Variants in UBE2E2 observed in about 807,000 individuals in gnomAD.
UBE2E2 encodes the protein ubiquitin conjugating enzyme E2 E2, also known as ubiquitin-conjugating enzyme E2 E2.
In UBE2E2, 6 loss-of-function variants were observed where a neutral mutation model predicts 24.7. The observed-to-expected ratio is 0.24, with a 90% CI of 0.13 to 0.48. UBE2E2 has a LOEUF of 0.48. Among genes scored for constraint, UBE2E2 ranks in the 20% least tolerant of loss-of-function variants. UBE2E2 has a pLI of 0.99. For synonymous variants in UBE2E2, 104 were observed against 83.6 expected, an observed-to-expected ratio of 1.24 and a Z score of -1.33; for missense variants, 169 against 245.0, an observed-to-expected ratio of 0.69 and a Z score of 2.07.
chr3:23,422,977 T>G (rs1268381328), intron 3 of UBE2E2, among the ~76,000 whole-genome samples: 2 of 152,206 alleles, frequency 1.3e-5, no homozygotes, highest in Non-Finnish European at 2.9e-5. Flanking sequence ...CTTCCCATAC[T>G]AGGAAAGTCA....
At chr3:23,421,243 CATA>C in intron 3 of UBE2E2, among the ~76,000 whole-genome samples, 1 of 152,310 alleles carries the variant, frequency 6.6e-6, no homozygotes, top group Middle Eastern at 3.4e-3. Context: ...TTAAACTCTA[CATA>C]ATTAGGTGAT....
chr3:23,318,156 A>T (rs1426455311), intron 3 of UBE2E2, among the ~76,000 whole-genome samples: 1 of 151,970 alleles, frequency 6.6e-6, no homozygotes, highest in Non-Finnish European at 1.5e-5. Flanking sequence ...ACAGGGTTTT[A>T]AAAAAATTTT....
intron 5 of UBE2E2, among the ~76,000 whole-genome samples, chr3:23,546,669 C>G (rs185651520): frequency 4.0e-4 from 60 of 151,582 alleles, no homozygotes; most frequent in African/African-American, 1.5e-3. Flanking sequence ...GGTGGGGTTT[C>G]TCCATGTTGG....
chr3:23,451,086 G>T (rs1185793009), intron 3 of UBE2E2, among the ~76,000 whole-genome samples: 1 of 152,156 alleles, frequency 6.6e-6, no homozygotes, highest in Non-Finnish European at 1.5e-5. Context: ...CTGTAAATCT[G>T]CAACTATTGT....
intron 5 of UBE2E2, among the ~76,000 whole-genome samples, chr3:23,579,718 A>C (rs1225890938): frequency 6.6e-6 from 1 of 152,162 alleles, no homozygotes; most frequent in African/African-American, 2.4e-5. Flanking sequence ...AAAAGAAAAA[A>C]GAATACTATT....
intron 5 of UBE2E2, among the ~76,000 whole-genome samples, chr3:23,580,254 A>T (rs2125518157): frequency 6.6e-6 from 1 of 152,354 alleles, no homozygotes; most frequent in East Asian, 1.9e-4. Context: ...GCAACATCAC[A>T]TGCACAGAGA....
chr3:23,558,211 A>G (rs1395866098), intron 5 of UBE2E2, among the ~76,000 whole-genome samples: 1 of 152,180 alleles, frequency 6.6e-6, no homozygotes, highest in Non-Finnish European at 1.5e-5. Flanking sequence ...ACTAGTCTCA[A>G]ACTTAACATA....
chr3:23,334,014 CAGAA>C (rs1390199446), intron 3 of UBE2E2, among the ~76,000 whole-genome samples: 1 of 152,068 alleles, frequency 6.6e-6, no homozygotes, highest in African/African-American at 2.4e-5. Flanking sequence ...TTTGTCCTCA[CAGAA>C]AGATCAACAT....
chr3:23,302,854 G>A (rs9819788), intron 3 of UBE2E2, among the ~76,000 whole-genome samples: 6,357 of 152,218 alleles, frequency 0.042, 459 homozygotes, highest in African/African-American at 0.14. Context: ...ATAGACTGCT[G>A]ATCCCTGTTC....
chr3:23,259,582 A>AT (rs1408396805), intron 3 of UBE2E2, among the ~76,000 whole-genome samples: 2 of 151,784 alleles, frequency 1.3e-5, no homozygotes, highest in Non-Finnish European at 2.9e-5. Context: ...TTAAAAAAAA[A>AT]AAAGTCTTGA....
At chr3:23,391,275 AT>A (rs1439728577) in intron 3 of UBE2E2, among the ~76,000 whole-genome samples, 2 of 152,226 alleles carry the variant, frequency 1.3e-5, no homozygotes, top group Admixed American at 1.3e-4. Flanking sequence ...TGCCAGTTAT[AT>A]TAACTGCTAC....
intron 3 of UBE2E2, among the ~76,000 whole-genome samples, chr3:23,303,137 G>A (rs751619373): frequency 1.4e-3 from 217 of 152,020 alleles, no homozygotes; most frequent in Non-Finnish European, 2.0e-3. Flanking sequence ...GCATGTGAGG[G>A]ATCTAGGTTG....
intron 5 of UBE2E2, among the ~76,000 whole-genome samples, chr3:23,571,893 C>T (rs1696240822): frequency 6.6e-6 from 1 of 152,146 alleles, no homozygotes; most frequent in Non-Finnish European, 1.5e-5. Flanking sequence ...ACTACACTCC[C>T]AAGGTAGTAG....
intron 5 of UBE2E2, among the ~76,000 whole-genome samples, chr3:23,560,536 C>T (rs79272893): frequency 0.29 from 43,573 of 151,156 alleles, 6,736 homozygotes; most frequent in East Asian, 0.5. Flanking sequence ...TACGTGTGCA[C>T]GTGTCTTTAT....
intron 3 of UBE2E2, among the ~76,000 whole-genome samples, chr3:23,350,652 T>C (rs1695718761): frequency 6.6e-6 from 1 of 151,854 alleles, no homozygotes; most frequent in Non-Finnish European, 1.5e-5. Context: ...GAAGACGAAA[T>C]GAATGAAATG....
At chr3:23,464,629 T>G (rs1418083268) in intron 3 of UBE2E2, among the ~76,000 whole-genome samples, 1 of 152,188 alleles carries the variant, frequency 6.6e-6, no homozygotes, top group Non-Finnish European at 1.5e-5. Context: ...CAAAATTTAA[T>G]TATGTAGTAC....
At chr3:23,349,411 G>A (rs1293191056) in intron 3 of UBE2E2, among the ~76,000 whole-genome samples, 3 of 152,188 alleles carry the variant, frequency 2.0e-5, no homozygotes, top group South Asian at 2.1e-4. Context: ...CACTGTGCGC[G>A]ACCCGAAGCA....
At chr3:23,319,641 C>T (rs892907693) in intron 3 of UBE2E2, among the ~76,000 whole-genome samples, 9 of 151,252 alleles carry the variant, frequency 6.0e-5, no homozygotes, top group African/African-American at 1.9e-4. Flanking sequence ...TGTGAAATCC[C>T]GTCTCTACTA....
At chr3:23,342,169 G>T (rs1695409524) in intron 3 of UBE2E2, among the ~76,000 whole-genome samples, 1 of 151,450 alleles carries the variant, frequency 6.6e-6, no homozygotes, top group African/African-American at 2.4e-5. Context: ...ATTATGGGGG[G>T]TACTTTGATT....
Sources: gnomAD v4.1 joint callset for allele counts (sites outside exome capture counted in the v4.1 genomes callset) on GRCh38, gnomAD v4.1.1 for gene constraint, MANE v1.5 for transcripts, NCBI Gene and HGNC (gene_info 2026-07-23, HGNC 2026-07-21) for gene names.